Variants in NBAS observed in about 807,000 individuals in gnomAD.
NBAS encodes the protein NBAS subunit of NRZ tethering complex.
Under a neutral mutation model 302.5 loss-of-function variants are expected in NBAS, and 219 were observed. That is an observed-to-expected ratio of 0.72 (90% confidence interval 0.65 to 0.81). The LOEUF (loss-of-function observed/expected upper bound fraction) is 0.81. NBAS is among the 30% of genes least tolerant of loss of function. The probability of loss-of-function intolerance (pLI) is 0.00; values close to 1 mark genes in which losing one functional copy is unlikely to be tolerated. For missense variants in NBAS, 2,932 were observed against 2,841.6 expected, an observed-to-expected ratio of 1.03 and a Z score of -0.72; for synonymous variants, 1,118 against 1,021.6, an observed-to-expected ratio of 1.09 and a Z score of -1.80.
At chr2:15,103,608 C>A in the NBAS span, among the ~76,000 whole-genome samples, 2 of 152,268 alleles carry the variant, frequency 1.3e-5, no homozygotes, top group Non-Finnish European at 2.9e-5. Flanking sequence ...CACTGAGATG[C>A]TTGGCACAGG....
At chr2:15,554,228 C>A in intron 3 of NBAS, 90 bp from the exon 4 acceptor site, 1 of 1,088,900 alleles carries the variant, frequency 9.2e-7, no homozygotes. Flanking sequence ...TAGAGAGAGA[C>A]ACAGATTTTT....
At chr2:15,288,716 G>T (rs911826721) in intron 41 of NBAS, among the ~76,000 whole-genome samples, 2 of 152,238 alleles carry the variant, frequency 1.3e-5, no homozygotes, top group East Asian at 3.8e-4. Context: ...GGAATTTTTA[G>T]TTGGAAGAAT....
At chr2:15,315,725 T>C (rs1349845014) in intron 38 of NBAS, among the ~76,000 whole-genome samples, 1 of 152,182 alleles carries the variant, frequency 6.6e-6, no homozygotes, top group Non-Finnish European at 1.5e-5. Flanking sequence ...CCTAACACAA[T>C]TGTTGTTGAA....
chr2:14,910,455 CTT>C, the NBAS span, among the ~76,000 whole-genome samples: 12 of 152,318 alleles, frequency 7.9e-5, no homozygotes, highest in Admixed American at 3.9e-4. Context: ...AAGAGAGTTT[CTT>C]TTTCAGCGTC....
chr2:15,063,534 C>A, the NBAS span, among the ~76,000 whole-genome samples: 500 of 152,056 alleles, frequency 3.3e-3, 3 homozygotes, highest in Non-Finnish European at 4.8e-3. Context: ...ATTGTTTCCC[C>A]TTTCCCAAAA....
chr2:15,093,925 T>G, the NBAS span, among the ~76,000 whole-genome samples: 358 of 152,320 alleles, frequency 2.4e-3, 1 homozygote, highest in African/African-American at 6.7e-3. Flanking sequence ...AATGGGTGAT[T>G]CTCATAATAC....
At chr2:15,308,694 A>G (rs934050795) in intron 39 of NBAS, among the ~76,000 whole-genome samples, 4 of 152,154 alleles carry the variant, frequency 2.6e-5, no homozygotes, top group African/African-American at 9.7e-5. Flanking sequence ...TTCCAACACT[A>G]TGTTGAATAG....
chr2:15,293,312 T>C (rs145437874), intron 40 of NBAS, among the ~76,000 whole-genome samples: 2 of 152,262 alleles, frequency 1.3e-5, no homozygotes, highest in East Asian at 1.9e-4. Context: ...AAATCATAAA[T>C]AGTGCAAGTT....
chr2:15,289,483 T>C (rs953169136), intron 41 of NBAS, among the ~76,000 whole-genome samples: 1 of 152,184 alleles, frequency 6.6e-6, no homozygotes, highest in Non-Finnish European at 1.5e-5. Context: ...AGGGGACCAT[T>C]ACTAATTCAT....
At chr2:15,073,498 A>G in the NBAS span, among the ~76,000 whole-genome samples, 3,744 of 140,768 alleles carry the variant, frequency 0.027, 335 homozygotes, top group African/African-American at 0.098. Context: ...AAAATAAAAA[A>G]TAAAACAATA....
At chr2:15,383,126 T>C in intron 29 of NBAS, 89 bp downstream of exon 29, 2 of 1,067,560 alleles carry the variant, frequency 1.9e-6, no homozygotes, top group Non-Finnish European at 2.8e-6. Context: ...ACTTCCAGGG[T>C]AGCTTATGGT....
At chr2:15,091,179 A>C in the NBAS span, among the ~76,000 whole-genome samples, 5 of 152,206 alleles carry the variant, frequency 3.3e-5, no homozygotes, top group African/African-American at 1.2e-4. Context: ...TTGGCCTTGC[A>C]GAAACAAGAA....
chr2:15,151,817 C>T, the NBAS span, among the ~76,000 whole-genome samples: 1 of 152,106 alleles, frequency 6.6e-6, no homozygotes, highest in Non-Finnish European at 1.5e-5. Flanking sequence ...ACAATAGTCT[C>T]CTTGGTGCTG....
intron 9 of NBAS, among the ~76,000 whole-genome samples, chr2:15,511,832 T>C (rs1161477758): frequency 6.6e-6 from 1 of 152,206 alleles, no homozygotes; most frequent in Non-Finnish European, 1.5e-5. Context: ...GTTGGTAGTT[T>C]AGCTGCACAC....
At chr2:15,007,550 T>G in the NBAS span, among the ~76,000 whole-genome samples, 1 of 152,198 alleles carries the variant, frequency 6.6e-6, no homozygotes, top group African/African-American at 2.4e-5. Flanking sequence ...ACTACATATT[T>G]TACCAGAAAT....
chr2:15,559,865 C>T (rs755131464), intron 1 of NBAS, among the ~76,000 whole-genome samples: 1 of 152,168 alleles, frequency 6.6e-6, no homozygotes, highest in Non-Finnish European at 1.5e-5. Context: ...GGAGTGGAAA[C>T]TTATCTAACC....
At chr2:14,791,033 T>G in the NBAS span, among the ~76,000 whole-genome samples, 1 of 152,154 alleles carries the variant, frequency 6.6e-6, no homozygotes, top group African/African-American at 2.4e-5. Context: ...TTTTGTATTT[T>G]TAGTAGAGAC....
the NBAS span, among the ~76,000 whole-genome samples, chr2:15,098,013 ATATTG>A: frequency 1.1e-5 from 1 of 90,996 alleles, no homozygotes; most frequent in African/African-American, 4.5e-5. Context: ...TATATATATT[ATATTG>A]TATATAATAT....
intron 23 of NBAS, among the ~76,000 whole-genome samples, chr2:15,423,816 T>C (rs1210582640): frequency 6.6e-6 from 1 of 152,188 alleles, no homozygotes; most frequent in Non-Finnish European, 1.5e-5. Context: ...AATCGTCATC[T>C]CTCTCTTCCA....
Sources: gnomAD v4.1 joint callset for allele counts (sites outside exome capture counted in the v4.1 genomes callset) on GRCh38, gnomAD v4.1.1 for gene constraint, MANE v1.5 for transcripts, NCBI Gene and HGNC (gene_info 2026-07-23, HGNC 2026-07-21) for gene names.